The following ZNF713 variants were observed in gnomAD, a reference collection of about 807,000 sequenced individuals.
The protein encoded by ZNF713 is zinc finger protein 713.
ZNF713 carries 21 observed loss-of-function variants against 28.7 expected under a neutral mutation model. The ratio of observed to expected loss-of-function variants is 0.73; its 90% CI spans 0.52 to 1.05. The LOEUF (loss-of-function observed/expected upper bound fraction) is 1.05, where lower values mean the gene tolerates loss of function less well. Among genes scored for constraint, ZNF713 ranks in the 50% least tolerant of loss-of-function variants. The pLI is 0.00. For synonymous variants in ZNF713, 167 were observed against 178.0 expected (o/e 0.94, Z 0.49); for missense variants, 458 against 532.4 (o/e 0.86, Z 1.37).
Position 55,887,600 on chromosome 7 carries a change from CGCGGCGGCGGCG to C in ZNF713, c.-635_-624del, listed in dbSNP as rs369789359. On this transcript the variant is annotated 5_prime_UTR_variant, in exon 1 of 7. Coordinates refer to ENST00000429591, the MANE Select transcript of ZNF713 (RefSeq NM_182633.3). ...GGCACCTTCTCCCTCCCGGGTCCAC[CGCGGCGGCGGCG>C]GCGGCGGCGGCGGCGGCGGCGGCGG... is the stretch of plus-strand genomic sequence containing the variant. 44,371 of 177,748 alleles carry C rather than the reference CGCGGCGGCGGCG, an allele frequency of 0.25. 7,196 individuals carry two copies. Among genetic ancestry groups the C allele is most frequent in the African/African-American group, 0.36 (14,400 of 40,444 alleles). 11.0% of individuals were successfully genotyped at this position (177,748 alleles called of 1,614,324 possible). A position where few individuals can be genotyped will look rare whatever the true frequency, so the allele number is the denominator to read the frequency against.
chr7:55,912,497 T>G, intron 3 of ZNF713, 138 bp from the exon 4 acceptor site: 1 of 598,584 alleles, frequency 1.7e-6, no homozygotes, highest in Non-Finnish European at 3.0e-6. Context: ...CATAGAAGAG[T>G]AGAGACGTCA....
rs1274710959 is a variant in ZNF713, at chr7:55,912,615, G to C, written c.-2-20G>C. The C allele has an allele frequency of 6.4e-7, 1 of 1,560,868 alleles. No homozygotes were observed. The highest frequency in any genetic ancestry group is 2.2e-5 in the East Asian group (1 of 44,506). On this transcript the variant is annotated intron_variant, in intron 3 of 6. Coordinates refer to ENST00000429591, the MANE Select transcript of ZNF713 (RefSeq NM_182633.3). The stretch of plus-strand genomic sequence containing the variant: ...TAACCTTCGTGTCATATATTAACAA[G>C]ATGCTTCTCTTTTTCCTAGTTATGC...
intron 1 of ZNF713, among the ~76,000 whole-genome samples, chr7:55,899,917 T>C (rs956418083): frequency 5.3e-5 from 8 of 151,704 alleles, no homozygotes; most frequent in Non-Finnish European, 1.2e-4. Context: ...CCAATTTTTG[T>C]ATGTATAATA....
intron 1 of ZNF713, among the ~76,000 whole-genome samples, chr7:55,888,446 C>T (rs2116148724): frequency 6.6e-6 from 1 of 152,126 alleles, no homozygotes; most frequent in East Asian, 1.9e-4. Flanking sequence ...GCAGTGGCAC[C>T]ATCATGGCAC....
In ZNF713 at chr7:55,923,018, G is replaced by C. The variant is rs367635499; in HGVS notation, c.88-144G>C. ...TAGAAAGGTACTAATTTTTTTAAAA[G>C]AAAAGTTTGACCTGAACAACTCAGA... On this transcript the variant is annotated intron_variant, in intron 4 of 6. Coordinates refer to ENST00000429591, the MANE Select transcript of ZNF713 (RefSeq NM_182633.3). The C allele has an allele frequency of 5.8e-4, 471 of 805,402 alleles. 10 individuals are homozygous for C. The South Asian group carries it at 0.025, about 43-fold the overall frequency. 49.9% of individuals were successfully genotyped at this position (805,402 alleles called of 1,614,324 possible).
intron 5 of ZNF713, 88 bp downstream of exon 5, chr7:55,923,376 T>C: frequency 6.7e-7 from 1 of 1,503,072 alleles, no homozygotes. Flanking sequence ...TTTGTGAATA[T>C]AGTTTGGGCT....
At chr7:55,927,915 A>AAAAAAAAAAAAG (rs1562746758) in intron 6 of ZNF713, among the ~76,000 whole-genome samples, 21 of 148,008 alleles carry the variant, frequency 1.4e-4, no homozygotes, top group Non-Finnish European at 3.0e-4. Flanking sequence ...AAAAAAAAAA[A>AAAAAAAAAAAAG]AAAAAGCCAC....
intron 1 of ZNF713, among the ~76,000 whole-genome samples, chr7:55,899,562 A>G (rs1294304095): frequency 6.6e-6 from 1 of 151,186 alleles, no homozygotes; most frequent in African/African-American, 2.4e-5. Flanking sequence ...AATCCCAGCT[A>G]CTCAGGAGGC....
At chr7:55,918,930 G>A (rs766718057) in intron 4 of ZNF713, among the ~76,000 whole-genome samples, 1 of 151,956 alleles carries the variant, frequency 6.6e-6, no homozygotes, top group Non-Finnish European at 1.5e-5. Flanking sequence ...GGAGGCGGAG[G>A]TTGCAGTGAG....
chr7:55,907,661 C>T (rs1419709277), intron 2 of ZNF713, among the ~76,000 whole-genome samples: 1 of 152,136 alleles, frequency 6.6e-6, no homozygotes, highest in Non-Finnish European at 1.5e-5. Context: ...CTCTGTATGT[C>T]TACATGCACC....
rs145792211 is a variant in ZNF713 at position 55,935,681 on chromosome 7, C to T, written c.308-3301C>T. Among the ~76,000 whole-genome samples the T allele has an allele frequency of 9.4e-4, 143 of 152,246 alleles. 2 individuals are homozygous for T. The highest frequency in any genetic ancestry group is 3.2e-3 in the African/African-American group (133 of 41,550). On this transcript the variant is annotated intron_variant, in intron 6 of 6. Coordinates refer to ENST00000429591, the MANE Select transcript of ZNF713 (RefSeq NM_182633.3). Reference sequence around the variant, plus strand: ...ATAAGAAAGATCTAACGGCCAGGCGCGGTGGCTCACGCCTGTAATCCCAGC... The same window carrying T: ...ATAAGAAAGATCTAACGGCCAGGCGTGGTGGCTCACGCCTGTAATCCCAGC...
intron 4 of ZNF713, among the ~76,000 whole-genome samples, chr7:55,916,676 A>G (rs1416583213): frequency 2.0e-5 from 3 of 152,228 alleles, no homozygotes; most frequent in Admixed American, 6.5e-5. Flanking sequence ...ATCTCAAACC[A>G]GTGATAAAAA....
chr7:55,900,455 G>A (rs909974468), intron 1 of ZNF713, among the ~76,000 whole-genome samples: 7 of 148,530 alleles, frequency 4.7e-5, no homozygotes, highest in East Asian at 2.0e-4. Context: ...GCAACAGAGC[G>A]AGACTCCATT....
At chr7:55,920,581 G>C (rs1174290013) in intron 4 of ZNF713, among the ~76,000 whole-genome samples, 5 of 152,192 alleles carry the variant, frequency 3.3e-5, no homozygotes, top group Non-Finnish European at 4.4e-5. Flanking sequence ...GAGGTTTAAG[G>C]AAAGAAGCTG....
At chr7:55,936,271 A>AAG (rs1562749927) in intron 6 of ZNF713, among the ~76,000 whole-genome samples, 1 of 151,564 alleles carries the variant, frequency 6.6e-6, no homozygotes, top group African/African-American at 2.4e-5. Context: ...TCCCAAAAAA[A>AAG]AAAAAAAAAA....
chr7:55,919,256 C>G (rs927161059), intron 4 of ZNF713, among the ~76,000 whole-genome samples: 1 of 152,130 alleles, frequency 6.6e-6, no homozygotes, highest in African/African-American at 2.4e-5. Flanking sequence ...GGATTCACAC[C>G]AAAGATCTAA....
At chr7:55,888,583 C>T (rs1023793789) in intron 1 of ZNF713, among the ~76,000 whole-genome samples, 2 of 152,008 alleles carry the variant, frequency 1.3e-5, no homozygotes, top group Non-Finnish European at 2.9e-5. Flanking sequence ...GACCAGGTCT[C>T]ACCATGTTTC....
chr7:55,919,681 A>T (rs544349668), intron 4 of ZNF713, among the ~76,000 whole-genome samples: 1 of 151,194 alleles, frequency 6.6e-6, no homozygotes, highest in Non-Finnish European at 1.5e-5. Context: ...AATTTTTTAA[A>T]TTTTTTTACA....
intron 1 of ZNF713, among the ~76,000 whole-genome samples, chr7:55,898,984 A>AAGGGAACGCTT (rs1300632335): frequency 6.6e-6 from 1 of 152,180 alleles, no homozygotes; most frequent in Non-Finnish European, 1.5e-5. Context: ...GTGTGGAGAA[A>AAGGGAACGCTT]AGGGAACGCT....
Sources: allele counts gnomAD v4.1 joint callset (sites outside exome capture counted in the v4.1 genomes callset), GRCh38; gene constraint gnomAD v4.1.1; transcripts MANE v1.5; gene names NCBI Gene and HGNC (gene_info 2026-07-23, HGNC 2026-07-21).